Variants in SLC46A3 observed in about 807,000 individuals in gnomAD.
SLC46A3 encodes the protein solute carrier family 46 member 3.
Under a neutral mutation model 38.5 loss-of-function variants are expected in SLC46A3, and 26 were observed. The observed-to-expected ratio is 0.68, with a 90% CI of 0.49 to 0.94. The LOEUF is 0.94. Among genes scored for constraint, SLC46A3 ranks in the 40% least tolerant of loss-of-function variants. SLC46A3 has a pLI of 0.00. For missense variants in SLC46A3, 510 were observed against 544.3 expected (o/e 0.94, Z 0.63); for synonymous variants, 185 against 192.5 (o/e 0.96, Z 0.32).
rs1035058901 is a variant in SLC46A3 at position 28,718,890 on chromosome 13, A to G, written c.-419T>C. 13 of 152,332 alleles carry G rather than the reference A, an allele frequency of 8.5e-5. No individual in the cohort carries two copies. In the East Asian group the frequency reaches 2.1e-3, roughly 25 times the overall value. 9.4% of individuals were successfully genotyped at this position (152,332 alleles called of 1,614,324 possible). On this transcript the variant is annotated 5_prime_UTR_variant, in exon 1 of 6. Coordinates refer to ENST00000266943, the MANE Select transcript of SLC46A3 (RefSeq NM_181785.4). ...CTTCTGCGCAGTGGACAATCGGCCA[A>G]TCGGCGCCTCCGTCGGTCGGTCAGC...
intron 4 of SLC46A3, among the ~76,000 whole-genome samples, chr13:28,708,860 G>T (rs1419417222): frequency 6.6e-6 from 1 of 151,822 alleles, no homozygotes; most frequent in Non-Finnish European, 1.5e-5. Flanking sequence ...TTTTTCCTTT[G>T]TTCTTGTGCT....
chr13:28,717,435 C>T (rs1187224343), intron 2 of SLC46A3, among the ~76,000 whole-genome samples: 2 of 150,678 alleles, frequency 1.3e-5, no homozygotes, highest in Non-Finnish European at 2.9e-5. Context: ...TTTCAGCCAC[C>T]CCTGTCCACC....
chr13:28,701,631 A>C (rs893027684), intron 5 of SLC46A3, 50 bp from the exon 6 acceptor site: 14 of 1,546,126 alleles, frequency 9.1e-6, no homozygotes, highest in Non-Finnish European at 1.2e-5. Flanking sequence ...ACAATACATA[A>C]ATAAGTAATC....
intron 2 of SLC46A3, among the ~76,000 whole-genome samples, chr13:28,714,087 G>A (rs562477403): frequency 6.7e-6 from 1 of 149,436 alleles, no homozygotes; most frequent in Non-Finnish European, 1.5e-5. Flanking sequence ...TTGAGGTCAG[G>A]AGTTTGAGAC....
chr13:28,707,103 A>T (rs1044692587), intron 4 of SLC46A3, among the ~76,000 whole-genome samples: 1 of 152,088 alleles, frequency 6.6e-6, no homozygotes, highest in Non-Finnish European at 1.5e-5. Flanking sequence ...ATGCACACGT[A>T]TGTTTATTGT....
At chr13:28,710,995 T>G in intron 3 of SLC46A3, 152 bp from the exon 4 acceptor site, 1 of 636,698 alleles carries the variant, frequency 1.6e-6, no homozygotes, top group Non-Finnish European at 2.7e-6. Context: ...ATTGTAGAAC[T>G]CTGTTTGATG....
At chr13:28,710,149 G>T (rs1412935763) in intron 4 of SLC46A3, among the ~76,000 whole-genome samples, 1 of 152,122 alleles carries the variant, frequency 6.6e-6, no homozygotes, top group Non-Finnish European at 1.5e-5. Context: ...GGTAGCCCAG[G>T]GTGAACTGGC....
At position 28,718,042 on chromosome 13, in the gene SLC46A3, A is replaced by T. The variant is rs745786968; in HGVS notation, c.-24-20T>A. ...TGTATTCTATAAAAAGTGAAAACGG[A>T]GAAAGATCATCTGTCTCATCCCAGA... is the stretch of plus-strand genomic sequence containing the variant. On this transcript the variant is annotated intron_variant, in intron 1 of 5. Transcript: ENST00000266943. The T allele has an allele frequency of 1.3e-6, 2 of 1,573,152 alleles. No homozygotes were observed.
chr13:28,716,693 T>G (rs1408008058), intron 2 of SLC46A3, among the ~76,000 whole-genome samples: 1 of 152,076 alleles, frequency 6.6e-6, no homozygotes, highest in Non-Finnish European at 1.5e-5. Flanking sequence ...CCCATGGGAA[T>G]GAGGAAATGA....
At chr13:28,703,022 G>A (rs929388191) in intron 5 of SLC46A3, among the ~76,000 whole-genome samples, 9 of 151,998 alleles carry the variant, frequency 5.9e-5, no homozygotes, top group Admixed American at 1.3e-4. Flanking sequence ...TTGCTTGGAC[G>A]TTTCAGCAAT....
chr13:28,713,504 CT>C lies in SLC46A3; in HGVS notation c.235del (p.Ser79ValfsTer3). Reference protein sequence around the residue: ...VSRFNLQMDISGLIPGLVSTF... With the variant: ...VSRFNLQMDIXGLIPGLVSTF... ...AGACACTAGACCAGGAATTAATCCA[CT>C]TATGTCCATCTGCAGATTAAAACGT... is the stretch of plus-strand genomic sequence containing the variant. On this transcript the variant is annotated frameshift_variant, in exon 3 of 6. Coordinates refer to ENST00000266943, the MANE Select transcript of SLC46A3 (RefSeq NM_181785.4). LOFTEE classifies it high-confidence loss of function. 1 of 1,610,622 alleles carries C rather than the reference CT, an allele frequency of 6.2e-7. No individual in the cohort carries two copies. The highest frequency in any genetic ancestry group is 1.7e-5 in the Admixed American group (1 of 59,942).
At chr13:28,710,133 G>A (rs1217249761) in intron 4 of SLC46A3, among the ~76,000 whole-genome samples, 1 of 152,096 alleles carries the variant, frequency 6.6e-6, no homozygotes, top group Non-Finnish European at 1.5e-5. Flanking sequence ...TTCCACGTAG[G>A]AACAGGGTAG....
At chr13:28,703,099 T>G (rs751367439) in intron 5 of SLC46A3, among the ~76,000 whole-genome samples, 3 of 152,228 alleles carry the variant, frequency 2.0e-5, no homozygotes, top group Non-Finnish European at 2.9e-5. Flanking sequence ...ATATTGCTTT[T>G]ATATTTATGC....
intron 4 of SLC46A3, chr13:28,704,661 C>G (rs1424119334): frequency 6.6e-6 from 1 of 152,234 alleles, no homozygotes; most frequent in African/African-American, 2.4e-5. Context: ...GGAATTTTAT[C>G]CCTCTTCAAA....
chr13:28,709,322 C>CA (rs11321003), intron 4 of SLC46A3, among the ~76,000 whole-genome samples: 17 of 130,256 alleles, frequency 1.3e-4, no homozygotes, highest in South Asian at 7.4e-4. Flanking sequence ...AACTCCGTCT[C>CA]AAAAAAAAAA....
At position 28,713,031 on chromosome 13, in the gene SLC46A3, C is replaced by T. The variant is rs776140287; in HGVS notation, c.709G>A (p.Gly237Ser). 6.2e-7 allele frequency: 1 copy of T among 1,612,064 alleles called. No individual in the cohort carries two copies. Among genetic ancestry groups the T allele is most frequent in the South Asian group, 1.1e-5 (1 of 90,614 alleles). ...GTTCGGTAAAATAGGTTTTTGAAGCCTTCACTACATGACATAGTAACATTC... is the reference window on the plus strand; with the variant it reads ...GTTCGGTAAAATAGGTTTTTGAAGCTTTCACTACATGACATAGTAACATTC... The part of the protein sequence containing the change: ...SQNVTMSCSE[G>S]FKNLFYRTYM... The change falls in exon 3 of 6, where the codon GGC becomes AGC. Residue 237 changes from glycine to serine, a missense_variant. By Grantham distance (56) the Gly-to-Ser change is moderately conservative. Coordinates refer to ENST00000266943, the MANE Select transcript of SLC46A3 (RefSeq NM_181785.4).
Position 28,718,970 on chromosome 13 carries a change from C to A in SLC46A3, c.-499G>T, listed in dbSNP as rs1345969732. 2 of 152,288 alleles carry A rather than the reference C, an allele frequency of 1.3e-5. No homozygotes were observed. The highest frequency in any genetic ancestry group is 2.4e-5 in the African/African-American group (1 of 41,468). The allele number at this position is 152,288 out of a possible 1,614,324, so 9.4% of individuals were successfully genotyped here. On this transcript the variant is annotated 5_prime_UTR_variant, in exon 1 of 6. Transcript: ENST00000266943. ...CCGCAGCCAGCTGAGCATCGCTGTC[C>A]GCCGAGGAGGCGGGGTCGGCTGCCG...
chr13:28,702,467 G>A (rs1467114688), intron 5 of SLC46A3, among the ~76,000 whole-genome samples: 1 of 152,014 alleles, frequency 6.6e-6, no homozygotes, highest in East Asian at 1.9e-4. Context: ...AGGAATTGCT[G>A]GATCAATCAC....
intron 2 of SLC46A3, among the ~76,000 whole-genome samples, chr13:28,714,431 G>A (rs1008582364): frequency 5.3e-5 from 8 of 152,046 alleles, no homozygotes; most frequent in South Asian, 2.1e-4. Context: ...GCAACATAGC[G>A]AGACCCTGTC....
Sources: gnomAD v4.1 joint callset for allele counts (sites outside exome capture counted in the v4.1 genomes callset) on GRCh38, gnomAD v4.1.1 for gene constraint, MANE v1.5 for transcripts, NCBI Gene and HGNC (gene_info 2026-07-23, HGNC 2026-07-21) for gene names.